The following PPP1R11 variants were observed in gnomAD, a reference collection of about 807,000 sequenced individuals.
PPP1R11 encodes E3 ubiquitin-protein ligase PPP1R11.
In PPP1R11, 10 loss-of-function variants were observed where a neutral mutation model predicts 11.3. The ratio of observed to expected loss-of-function variants is 0.88; its 90% CI spans 0.55 to 1.50. The LOEUF (loss-of-function observed/expected upper bound fraction) is 1.50. PPP1R11 is among the 40% of genes most tolerant of loss of function. The pLI is 0.00. For synonymous variants in PPP1R11, 56 were observed against 62.3 expected (o/e 0.90, Z 0.48); for missense variants, 114 against 179.1 (o/e 0.64, Z 2.07).
chr6:30,068,155 G>A (rs987709131), intron 1 of PPP1R11: 2 of 155,108 alleles, frequency 1.3e-5, no homozygotes, highest in African/African-American at 4.8e-5. Flanking sequence ...TGGAGCTTGA[G>A]AATGAGAGAG....
At chr6:30,063,969 G>T (rs1291441912), upstream of PPP1R11, among the ~76,000 whole-genome samples, 2 of 151,906 alleles carry the variant, frequency 1.3e-5, no homozygotes, top group African/African-American at 4.8e-5. This position sits in a 1 kb window ranked among gnomAD's most constrained non-coding sequence, Gnocchi z 4.1. Flanking sequence ...TTCTTTTCTT[G>T]TTCACTTTTA....
upstream of PPP1R11, among the ~76,000 whole-genome samples, chr6:30,062,932 GT>G (rs1765232628): frequency 6.6e-6 from 1 of 151,508 alleles, no homozygotes; most frequent in Non-Finnish European, 1.5e-5. Flanking sequence ...AGCAGGTATT[GT>G]TTAGTGGTCA....
chr6:30,068,498 C>T, intron 1 of PPP1R11, 92 bp from the exon 2 acceptor site: 1 of 1,012,294 alleles, frequency 9.9e-7, no homozygotes, highest in East Asian at 2.4e-5. Flanking sequence ...ACTGATTGAG[C>T]TAAAGAAGAA....
chr6:30,068,826 G>T, intron 2 of PPP1R11, 128 bp downstream of exon 2: 1 of 881,248 alleles, frequency 1.1e-6, no homozygotes, highest in South Asian at 1.7e-5. Context: ...TTTTGGTGGT[G>T]CTGTGGTATC....
At position 30,067,199 on chromosome 6, in the gene PPP1R11, T is replaced by A. The variant is rs1765602467; in HGVS notation, c.-212T>A. 1 of 533,616 alleles carries A rather than the reference T, an allele frequency of 1.9e-6. No individual in the cohort carries two copies. The highest frequency in any genetic ancestry group is 3.4e-6 in the Non-Finnish European group (1 of 295,324). The allele number at this position is 533,616 out of a possible 1,614,324, so 33.1% of individuals were successfully genotyped here. ...GGAAAAAGGGGGACTGCAGTATGCG[T>A]CACACCCGGAAGCGGCGAGCCGGAA... On this transcript the variant is annotated 5_prime_UTR_variant, in exon 1 of 3. Coordinates refer to ENST00000376772, the MANE Select transcript of PPP1R11 (RefSeq NM_021959.3).
In PPP1R11 at chr6:30,070,048, G is replaced by A. The variant is rs377737924; in HGVS notation, c.*742G>A. On this transcript the variant is annotated 3_prime_UTR_variant, in exon 3 of 3. Transcript: ENST00000376772. ...CAGCTTCAGAGACAGATCCAATATAGTCCCAGGGACCTGGGTCTCTGGGAG... is the reference window on the plus strand; with the variant it reads ...CAGCTTCAGAGACAGATCCAATATAATCCCAGGGACCTGGGTCTCTGGGAG... 11 of 152,226 alleles carry A rather than the reference G, an allele frequency of 7.2e-5. No homozygotes were observed. Among genetic ancestry groups the A allele is most frequent in the East Asian group, 3.9e-4 (2 of 5,190 alleles). 9.4% of individuals were successfully genotyped at this position (152,226 alleles called of 1,614,324 possible).
At chr6:30,067,740 G>C in intron 1 of PPP1R11, 1 of 425,726 alleles carries the variant, frequency 2.3e-6, no homozygotes, top group Non-Finnish European at 4.2e-6. Flanking sequence ...ATGTGTGTAA[G>C]TAATAAACGA....
rs1331958258 is a variant in PPP1R11 at position 30,069,249 on chromosome 6, C to T, written c.324C>T (p.Thr108=). The T allele has an allele frequency of 1.9e-6, 3 of 1,612,584 alleles. No homozygotes were observed. The highest frequency in any genetic ancestry group is 1.7e-4 in the Middle Eastern group (1 of 6,058). Reference sequence around the variant, plus strand: ...GTGCAACCCTAGGACCGACCCCCACCACCCCTCCCCAGCCTCCTGACCCTT... The same window carrying T: ...GTGCAACCCTAGGACCGACCCCCACTACCCCTCCCCAGCCTCCTGACCCTT... The part of the protein sequence containing the change: ...RRRATLGPTP[T]TPPQPPDPSQ... The change falls in exon 3 of 3, where the codon ACC becomes ACT. Residue 108 remains threonine, a synonymous_variant. Transcript: ENST00000376772. The surrounding 1 kb of genome is among the most constrained non-coding windows in gnomAD (Gnocchi z 6.6).
At chr6:30,067,115 C>A (rs552935759), upstream of PPP1R11, 1 of 410,282 alleles carries the variant, frequency 2.4e-6, no homozygotes, top group African/African-American at 2.0e-5. Flanking sequence ...CGCGCTGTCA[C>A]GTTACGGCGG....
chr6:30,061,415 T>G, the PPP1R11 span: 2 of 1,292,432 alleles, frequency 1.5e-6, no homozygotes, highest in Non-Finnish European at 1.1e-6. This position sits in a 1 kb window ranked among gnomAD's most constrained non-coding sequence, Gnocchi z 5.0. Flanking sequence ...GGCAGGAGGG[T>G]TCGGGTTATA....
intron 1 of PPP1R11, 158 bp from the exon 2 acceptor site, chr6:30,068,432 T>C (rs920380329): frequency 5.4e-6 from 3 of 551,306 alleles, no homozygotes; most frequent in Non-Finnish European, 9.7e-6. Context: ...CTATCTGAGG[T>C]AAAAGACCTG....
At chr6:30,065,168 A>C (rs1765405281), upstream of PPP1R11, among the ~76,000 whole-genome samples, 1 of 152,260 alleles carries the variant, frequency 6.6e-6, no homozygotes, top group African/African-American at 2.4e-5. This position sits in a 1 kb window ranked among gnomAD's most constrained non-coding sequence, Gnocchi z 5.3. Flanking sequence ...TCTTTAGCAT[A>C]TAAATTTGGA....
At position 30,067,357 on chromosome 6, in the gene PPP1R11, G is replaced by A; in HGVS notation, c.-54G>A. 6.5e-7 allele frequency: 1 copy of A among 1,535,018 alleles called. No individual in the cohort carries two copies. ...CTCTTAGACCTCAGCGACAGAAAAA[G>A]GGAAGGGTGTCTCATCCCCCTTCCT... On this transcript the variant is annotated 5_prime_UTR_variant, in exon 1 of 3. Coordinates refer to ENST00000376772, the MANE Select transcript of PPP1R11 (RefSeq NM_021959.3).
At chr6:30,068,523 C>A in intron 1 of PPP1R11, 67 bp from the exon 2 acceptor site, 1 of 1,313,792 alleles carries the variant, frequency 7.6e-7, no homozygotes, top group Non-Finnish European at 1.1e-6. Flanking sequence ...GAGGAGGTTC[C>A]CTGGGAGGGA....
upstream of PPP1R11, chr6:30,064,764 A>G: frequency 7.0e-7 from 1 of 1,432,752 alleles, no homozygotes; most frequent in East Asian, 2.4e-5. Context: ...GGGTTTTTAG[A>G]TGCCTTGTCC....
Position 30,067,327 on chromosome 6 carries a change from C to G in PPP1R11, c.-84C>G, listed in dbSNP as rs745974121. The G allele has an allele frequency of 7.9e-6, 11 of 1,397,598 alleles. No homozygotes were observed. The highest frequency in any genetic ancestry group is 1.1e-5 in the Non-Finnish European group (11 of 992,252). 86.6% of individuals were successfully genotyped at this position (1,397,598 alleles called of 1,614,324 possible). A position where few individuals can be genotyped will look rare whatever the true frequency, so the allele number is the denominator to read the frequency against. Reference sequence around the variant, plus strand: ...CTGGCTACCACTCTGAATCCGATACCGCTTCTCTTAGACCTCAGCGACAGA... The same window carrying G: ...CTGGCTACCACTCTGAATCCGATACGGCTTCTCTTAGACCTCAGCGACAGA... On this transcript the variant is annotated 5_prime_UTR_variant, in exon 1 of 3. Transcript: ENST00000376772.
chr6:30,065,616 T>TTGGCTGTTCAGAGGGTCAGCACCC, upstream of PPP1R11, among the ~76,000 whole-genome samples: 1 of 152,242 alleles, frequency 6.6e-6, no homozygotes, highest in Non-Finnish European at 1.5e-5. This position sits in a 1 kb window ranked among gnomAD's most constrained non-coding sequence, Gnocchi z 5.3. Flanking sequence ...ATATGGATTT[T>TTGGCTGTTCAGAGGGTCAGCACCC]TGGCTGTTCA....
At chr6:30,062,602 G>T (rs892033762), upstream of PPP1R11, among the ~76,000 whole-genome samples, 1 of 125,104 alleles carries the variant, frequency 8.0e-6, no homozygotes, top group Admixed American at 9.8e-5. Flanking sequence ...CTAGCCTGGA[G>T]TGCAGCGAGG....
chr6:30,066,962 C>A (rs1765584682), upstream of PPP1R11: 1 of 172,546 alleles, frequency 5.8e-6, no homozygotes, highest in South Asian at 1.2e-4. Context: ...TCTGCAGCGT[C>A]TGGCCCGGCA....
Sources: gnomAD v4.1 joint callset for allele counts (sites outside exome capture counted in the v4.1 genomes callset) on GRCh38, gnomAD v4.1.1 for gene constraint, Gnocchi (gnomAD v3.1) non-coding constraint, MANE v1.5 for transcripts, NCBI Gene and HGNC (gene_info 2026-07-23, HGNC 2026-07-21) for gene names.